CCSER1: variants seen among roughly 807,000 people sequenced by gnomAD.
CCSER1 encodes serine-rich coiled-coil domain-containing protein 1.
Under a neutral mutation model 82.0 loss-of-function variants are expected in CCSER1, and 41 were observed. The observed-to-expected ratio is 0.50, with a 90% confidence interval of 0.39 to 0.65. The LOEUF (loss-of-function observed/expected upper bound fraction) is 0.65. CCSER1 is among the 30% of genes least tolerant of loss of function. The pLI is 0.00. For missense variants in CCSER1, 1,119 were observed against 1,064.2 expected, an observed-to-expected ratio of 1.05 and a Z score of -0.72; for synonymous variants, 414 against 383.9, an observed-to-expected ratio of 1.08 and a Z score of -0.92.
intron 10 of CCSER1, among the ~76,000 whole-genome samples, chr4:91,593,902 G>GTATT (rs1764392871): frequency 6.6e-6 from 1 of 152,040 alleles, no homozygotes; most frequent in African/African-American, 2.4e-5. Context: ...TTTAAAATTA[G>GTATT]TATTTTCTTG....
intron 9 of CCSER1, among the ~76,000 whole-genome samples, chr4:91,023,275 A>G (rs1454264212): frequency 6.6e-6 from 1 of 152,152 alleles, no homozygotes; most frequent in African/African-American, 2.4e-5. Flanking sequence ...CAAGCTACCA[A>G]TGACTTTCTT....
chr4:90,278,795 G>T (rs1002508151), intron 1 of CCSER1, among the ~76,000 whole-genome samples: 1 of 151,722 alleles, frequency 6.6e-6, no homozygotes, highest in African/African-American at 2.4e-5. Flanking sequence ...TTTACCTTTG[G>T]AACAAACCTG....
intron 1 of CCSER1, among the ~76,000 whole-genome samples, chr4:90,240,194 G>T (rs1462885179): frequency 2.0e-5 from 3 of 152,162 alleles, no homozygotes; most frequent in Admixed American, 2.0e-4. Context: ...CAAACCAGTG[G>T]CTATGTTTCA....
intron 9 of CCSER1, among the ~76,000 whole-genome samples, chr4:91,032,564 G>A (rs1741078211): frequency 6.6e-6 from 1 of 152,244 alleles, no homozygotes; most frequent in African/African-American, 2.4e-5. Flanking sequence ...TTAACAAATA[G>A]GATTTTGATA....
intron 9 of CCSER1, among the ~76,000 whole-genome samples, chr4:91,030,789 T>C (rs1363938049): frequency 6.7e-6 from 1 of 148,180 alleles, no homozygotes; most frequent in African/African-American, 2.4e-5. Context: ...TTTTTTTTCA[T>C]CTGTAAATCC....
At chr4:90,360,166 C>G (rs543891980) in intron 3 of CCSER1, among the ~76,000 whole-genome samples, 1 of 149,120 alleles carries the variant, frequency 6.7e-6, no homozygotes, top group South Asian at 2.1e-4. Context: ...ATCCGCCCGC[C>G]TCAGCCTCCG....
chr4:90,940,614 A>C (rs1232056487), intron 9 of CCSER1, among the ~76,000 whole-genome samples: 2 of 152,120 alleles, frequency 1.3e-5, no homozygotes, highest in African/African-American at 4.8e-5. Context: ...AACGTGTAAA[A>C]AAATTATGGT....
Position 91,287,686 on chromosome 4 carries a change from G to A in CCSER1, c.2217+201692G>A, listed in dbSNP as rs117189043. On this transcript the variant is annotated intron_variant, in intron 10 of 10. Coordinates refer to ENST00000509176, the MANE Select transcript of CCSER1 (RefSeq NM_001145065.2). ...ACATGTAAGTGCACATATGTATTTA[G>A]GATTAAAGAAGCTCTAATCTTCAGA... 2.8e-4 allele frequency among the ~76,000 whole-genome samples: 42 copies of A among 152,008 alleles called. No homozygotes were observed. In the East Asian group the frequency reaches 8.2e-3, roughly 30 times the overall value.
chr4:91,544,302 C>A (rs1761769204), intron 10 of CCSER1, among the ~76,000 whole-genome samples: 1 of 152,216 alleles, frequency 6.6e-6, no homozygotes, highest in Non-Finnish European at 1.5e-5. Flanking sequence ...AAGCCTTCTT[C>A]TCTCAACTCG....
At chr4:91,214,376 A>T (rs77424907) in intron 10 of CCSER1, among the ~76,000 whole-genome samples, 8,180 of 152,228 alleles carry the variant, frequency 0.054, 287 homozygotes, top group African/African-American at 0.1. Context: ...CCTATATGTG[A>T]TCACTTAATT....
In CCSER1 at chr4:90,427,418, A is replaced by T. The variant is rs1578416566; in HGVS notation, c.1603+27289A>T. On this transcript the variant is annotated intron_variant, in intron 4 of 10. Coordinates refer to ENST00000509176, the MANE Select transcript of CCSER1 (RefSeq NM_001145065.2). ...ATATAAAATGGAAGGATTTGAAGGA[A>T]TCTTTTGTTTATATGTTTTTAAAAA... is the stretch of plus-strand genomic sequence containing the variant. Among the ~76,000 whole-genome samples, 7 of 151,590 alleles carry T rather than the reference A, an allele frequency of 4.6e-5. No individual in the cohort carries two copies. In the South Asian group the frequency reaches 1.5e-3, roughly 31 times the overall value.
At chr4:90,720,593 G>A (rs1742506593) in intron 6 of CCSER1, among the ~76,000 whole-genome samples, 1 of 151,990 alleles carries the variant, frequency 6.6e-6, no homozygotes, top group Non-Finnish European at 1.5e-5. Context: ...TACAAAGGGA[G>A]GGGATCCAAA....
At chr4:91,189,476 A>G (rs1734832328) in intron 10 of CCSER1, among the ~76,000 whole-genome samples, 2 of 152,160 alleles carry the variant, frequency 1.3e-5, no homozygotes, top group Admixed American at 6.5e-5. Context: ...GTCATTGTCT[A>G]ACCTGAATTT....
intron 10 of CCSER1, among the ~76,000 whole-genome samples, chr4:91,139,932 A>G (rs757727739): frequency 7.2e-5 from 11 of 152,170 alleles, no homozygotes; most frequent in Non-Finnish European, 1.2e-4. Flanking sequence ...GTACTTGTTC[A>G]TGAGAAAAAG....
chr4:91,117,332 A>G (rs1726709077), intron 10 of CCSER1, among the ~76,000 whole-genome samples: 1 of 152,232 alleles, frequency 6.6e-6, no homozygotes, highest in Non-Finnish European at 1.5e-5. Context: ...GCCAGGGTTC[A>G]AATCTAGACT....
intron 8 of CCSER1, among the ~76,000 whole-genome samples, chr4:90,882,038 A>G (rs1580911521): frequency 6.6e-6 from 1 of 152,106 alleles, no homozygotes; most frequent in African/African-American, 2.4e-5. Context: ...AAAGAATAGA[A>G]AATTAGAAAT....
rs116616074 is a variant in CCSER1, at chr4:90,909,362, C to T, written c.2095-14008C>T. 3.3e-3 allele frequency among the ~76,000 whole-genome samples: 498 copies of T among 152,190 alleles called. 3 individuals carry two copies. Among genetic ancestry groups the T allele is most frequent in the African/African-American group, 0.011 (469 of 41,514 alleles). On this transcript the variant is annotated intron_variant, in intron 8 of 10. Coordinates refer to ENST00000509176, the MANE Select transcript of CCSER1 (RefSeq NM_001145065.2). ...TGGAGGTACACAGTTCCAGACAGTG[C>T]AGAGGCCATTGGAATAAAAGGTGGT...
chr4:91,322,572 C>A (rs1303888448), intron 10 of CCSER1, among the ~76,000 whole-genome samples: 17 of 151,572 alleles, frequency 1.1e-4, no homozygotes, highest in Non-Finnish European at 2.5e-4. Flanking sequence ...CAATAACTAG[C>A]ACATAGTAGT....
intron 10 of CCSER1, among the ~76,000 whole-genome samples, chr4:91,440,869 G>C (rs1755079127): frequency 6.6e-6 from 1 of 152,162 alleles, no homozygotes; most frequent in South Asian, 2.1e-4. Context: ...AGAAAATCTA[G>C]AAGAAATGGA....
Sources: allele counts gnomAD v4.1 joint callset (sites outside exome capture counted in the v4.1 genomes callset), GRCh38; gene constraint gnomAD v4.1.1; transcripts MANE v1.5; gene names NCBI Gene and HGNC (gene_info 2026-07-23, HGNC 2026-07-21).